Variants in TAF1B observed in about 807,000 individuals in gnomAD.
TAF1B encodes the protein TATA-box binding protein associated factor, RNA polymerase I subunit B.
In TAF1B, 61 loss-of-function variants were observed where a neutral mutation model predicts 83.9. The ratio of observed to expected loss-of-function variants is 0.73; its 90% CI spans 0.59 to 0.90. The LOEUF is 0.90. TAF1B is among the 40% of genes least tolerant of loss of function. TAF1B has a pLI of 0.00. For missense variants in TAF1B, 625 were observed against 677.0 expected, an observed-to-expected ratio of 0.92 and a Z score of 0.85; for synonymous variants, 221 against 224.6, an observed-to-expected ratio of 0.98 and a Z score of 0.14.
intron 14 of TAF1B, 53 bp from the exon 15 acceptor site, chr2:9,933,730 G>T (rs1290025188): frequency 2.8e-6 from 4 of 1,451,592 alleles, no homozygotes; most frequent in Non-Finnish European, 3.8e-6. Flanking sequence ...GTTAGTGTGT[G>T]CATTTCTTGG....
At chr2:9,919,877 C>A in intron 14 of TAF1B, 57 bp downstream of exon 14, 1 of 1,495,302 alleles carries the variant, frequency 6.7e-7, no homozygotes, top group Non-Finnish European at 9.1e-7. Context: ...TGTATAAGAG[C>A]CAGATAGGTT....
chr2:9,892,472 C>T (rs147263319), intron 8 of TAF1B, among the ~76,000 whole-genome samples: 54 of 152,306 alleles, frequency 3.5e-4, no homozygotes, highest in East Asian at 3.3e-3. Context: ...CCAACAACTC[C>T]GCATTCCCTC....
At chr2:9,883,289 T>G (rs978706440) in intron 8 of TAF1B, among the ~76,000 whole-genome samples, 1 of 152,224 alleles carries the variant, frequency 6.6e-6, no homozygotes, top group Non-Finnish European at 1.5e-5. Flanking sequence ...GTCCTTTGAT[T>G]ATGAGTTTGT....
At chr2:9,858,858 C>T (rs141884243) in intron 5 of TAF1B, among the ~76,000 whole-genome samples, 60 of 152,278 alleles carry the variant, frequency 3.9e-4, no homozygotes, top group African/African-American at 1.3e-3. Context: ...GGACCTGGCC[C>T]GTAAAACCAT....
At chr2:9,927,522 T>C (rs1362310717) in intron 14 of TAF1B, among the ~76,000 whole-genome samples, 1 of 152,246 alleles carries the variant, frequency 6.6e-6, no homozygotes, top group Non-Finnish European at 1.5e-5. Context: ...TCACATCCTC[T>C]CCAGCACCTG....
intron 8 of TAF1B, among the ~76,000 whole-genome samples, chr2:9,884,904 C>T (rs1169658872): frequency 6.6e-6 from 1 of 152,162 alleles, no homozygotes; most frequent in African/African-American, 2.4e-5. Context: ...TTCATAGTGA[C>T]CCACATTCTA....
intron 5 of TAF1B, among the ~76,000 whole-genome samples, chr2:9,858,560 C>T (rs1663640606): frequency 6.6e-6 from 1 of 152,260 alleles, no homozygotes; most frequent in Non-Finnish European, 1.5e-5. Flanking sequence ...CTGCATTGCC[C>T]TAGAAGAGGT....
At chr2:9,848,047 G>A (rs1663264534) in intron 2 of TAF1B, among the ~76,000 whole-genome samples, 1 of 151,788 alleles carries the variant, frequency 6.6e-6, no homozygotes, top group African/African-American at 2.4e-5. Flanking sequence ...CAGGTTTTTT[G>A]CTCTTTCACG....
chr2:9,920,265 C>T (rs1665830508), intron 14 of TAF1B, among the ~76,000 whole-genome samples: 1 of 152,090 alleles, frequency 6.6e-6, no homozygotes, highest in Non-Finnish European at 1.5e-5. Context: ...TTTATCTCAC[C>T]CACAGTCCAT....
chr2:9,885,627 T>C (rs950475402), intron 8 of TAF1B, among the ~76,000 whole-genome samples: 1 of 152,222 alleles, frequency 6.6e-6, no homozygotes, highest in African/African-American at 2.4e-5. Flanking sequence ...TTCACAGTTA[T>C]TCAGTTTTCC....
intron 3 of TAF1B, 50 bp downstream of exon 3, chr2:9,849,510 C>A (rs1663316583): frequency 7.5e-7 from 1 of 1,333,270 alleles, no homozygotes; most frequent in Non-Finnish European, 1.0e-6. Flanking sequence ...ACATCTTTCA[C>A]CTTCATGATG....
chr2:9,860,333 A>C (rs1043932989), intron 5 of TAF1B, among the ~76,000 whole-genome samples: 2 of 152,248 alleles, frequency 1.3e-5, no homozygotes, highest in Non-Finnish European at 2.9e-5. Flanking sequence ...CTGTTAGTTT[A>C]TATTATAATC....
At chr2:9,903,745 A>G (rs1572268482) in intron 8 of TAF1B, among the ~76,000 whole-genome samples, 1 of 152,182 alleles carries the variant, frequency 6.6e-6, no homozygotes, top group African/African-American at 2.4e-5. Context: ...GCAGGTGGGA[A>G]AGGTGAGAGG....
At chr2:9,900,135 C>T (rs1405637524) in intron 8 of TAF1B, among the ~76,000 whole-genome samples, 1 of 152,126 alleles carries the variant, frequency 6.6e-6, no homozygotes, top group African/African-American at 2.4e-5. Flanking sequence ...ATTCCTAATC[C>T]AGTTTGTACA....
At chr2:9,909,251 G>A (rs1487504286) in intron 9 of TAF1B, among the ~76,000 whole-genome samples, 1 of 152,210 alleles carries the variant, frequency 6.6e-6, no homozygotes, top group Non-Finnish European at 1.5e-5. Flanking sequence ...AAGTTTAAGA[G>A]GGAAACAGAA....
intron 5 of TAF1B, among the ~76,000 whole-genome samples, chr2:9,867,190 G>A (rs1057078985): frequency 6.6e-6 from 1 of 152,176 alleles, no homozygotes; most frequent in African/African-American, 2.4e-5. Context: ...AAGAGTAGAT[G>A]TGAATCTTTG....
chr2:9,904,972 GT>G lies in TAF1B; in HGVS notation c.922del (p.Cys308ValfsTer2). ...EDCYLHPNIL[C>X]MKYLMEVNLP... The stretch of plus-strand genomic sequence containing the variant: ...ACTGCTATCTTCATCCCAACATACT[GT>G]GTATGAAATACTTGATGGAAGTCAA... On this transcript the variant is annotated frameshift_variant, in exon 9 of 15. Coordinates refer to ENST00000263663, the MANE Select transcript of TAF1B (RefSeq NM_005680.3). LOFTEE classifies it high-confidence loss of function. The G allele has an allele frequency of 6.2e-7, 1 of 1,612,590 alleles. No homozygotes were observed. Among genetic ancestry groups the G allele is most frequent in the East Asian group, 2.2e-5 (1 of 44,824 alleles).
rs548563563 is a variant in TAF1B at position 9,929,245 on chromosome 2, G to A, written c.1566-4538G>A. ...ACAATCTCGGCTGACTGCAACCTCC[G>A]CCTCCCGGGTTCACGCCATTCTCCT... On this transcript the variant is annotated intron_variant, in intron 14 of 14. Coordinates refer to ENST00000263663, the MANE Select transcript of TAF1B (RefSeq NM_005680.3). 5.9e-5 allele frequency among the ~76,000 whole-genome samples: 9 copies of A among 152,178 alleles called. No homozygotes were observed. In the South Asian group the frequency reaches 1.2e-3, roughly 21 times the overall value.
intron 12 of TAF1B, among the ~76,000 whole-genome samples, chr2:9,918,447 T>C (rs12992185): frequency 0.28 from 42,435 of 152,000 alleles, 6,907 homozygotes; most frequent in Middle Eastern, 0.4. Flanking sequence ...CAATCCAGGA[T>C]CCCCATTTTA....
Sources: gnomAD v4.1 joint callset for allele counts (sites outside exome capture counted in the v4.1 genomes callset) on GRCh38, gnomAD v4.1.1 for gene constraint, MANE v1.5 for transcripts, NCBI Gene and HGNC (gene_info 2026-07-23, HGNC 2026-07-21) for gene names.